XKR4: variants seen among roughly 807,000 people sequenced by gnomAD.
The protein encoded by XKR4 is XK-related protein 4.
XKR4 carries 12 observed loss-of-function variants against 53.9 expected under a neutral mutation model. The ratio of observed to expected loss-of-function variants is 0.22; its 90% confidence interval spans 0.14 to 0.36. The LOEUF is 0.36. Among genes scored for constraint, XKR4 ranks in the 10% least tolerant of loss-of-function variants. XKR4 has a pLI of 1.00. For missense variants in XKR4, 799 were observed against 859.5 expected (o/e 0.93, Z 0.88); for synonymous variants, 354 against 362.4 (o/e 0.98, Z 0.26).
chr8:55,185,806 T>C (rs889468445), intron 1 of XKR4, among the ~76,000 whole-genome samples: 1 of 152,168 alleles, frequency 6.6e-6, no homozygotes, highest in African/African-American at 2.4e-5. Context: ...TAAGAGAGTT[T>C]GATTCCACCT....
intron 1 of XKR4, among the ~76,000 whole-genome samples, chr8:55,191,565 T>C (rs910026590): frequency 1.3e-5 from 2 of 152,176 alleles, no homozygotes; most frequent in Non-Finnish European, 2.9e-5. Flanking sequence ...TTAATGTCTA[T>C]GTAAATAGTC....
At chr8:55,409,332 G>A (rs1345956758) in intron 2 of XKR4, among the ~76,000 whole-genome samples, 1 of 152,226 alleles carries the variant, frequency 6.6e-6, no homozygotes, top group Non-Finnish European at 1.5e-5. Flanking sequence ...TGTGGGTGGT[G>A]AGAAGAAACT....
At chr8:55,221,676 T>C (rs1417394833) in intron 1 of XKR4, among the ~76,000 whole-genome samples, 1 of 152,078 alleles carries the variant, frequency 6.6e-6, no homozygotes, top group African/African-American at 2.4e-5. Context: ...TTCAGCAACC[T>C]CCCCAGTGCA....
chr8:55,375,860 C>G (rs1042473527), intron 2 of XKR4, among the ~76,000 whole-genome samples: 2 of 152,040 alleles, frequency 1.3e-5, no homozygotes, highest in East Asian at 1.9e-4. Flanking sequence ...TGCGTTAGCT[C>G]TTTTCCCTGA....
intron 1 of XKR4, among the ~76,000 whole-genome samples, chr8:55,168,917 A>AAT (rs757849345): frequency 1.1e-4 from 17 of 152,216 alleles, no homozygotes; most frequent in Non-Finnish European, 1.9e-4. Context: ...AGTCATGTGG[A>AAT]ATAGTCCTAG....
chr8:55,260,450 G>A (rs1279780992), intron 1 of XKR4, among the ~76,000 whole-genome samples: 1 of 152,218 alleles, frequency 6.6e-6, no homozygotes, highest in Non-Finnish European at 1.5e-5. Context: ...AAGCAGTATT[G>A]TTGTCTGGTG....
At chr8:55,381,960 C>A (rs1157824885) in intron 2 of XKR4, among the ~76,000 whole-genome samples, 1 of 152,210 alleles carries the variant, frequency 6.6e-6, no homozygotes, top group Non-Finnish European at 1.5e-5. Flanking sequence ...GAGGCCACAT[C>A]AGGATCAGAA....
chr8:55,509,536 C>CT (rs1005204382), intron 2 of XKR4, among the ~76,000 whole-genome samples: 1 of 152,140 alleles, frequency 6.6e-6, no homozygotes, highest in African/African-American at 2.4e-5. Flanking sequence ...TTTGGCAGGT[C>CT]TGCTAAAAGG....
In XKR4 at chr8:55,529,175, A is replaced by T. The variant is rs1806916111; in HGVS notation, c.*4948A>T. On this transcript the variant is annotated 3_prime_UTR_variant, in exon 3 of 3. Coordinates refer to ENST00000327381, the MANE Select transcript of XKR4 (RefSeq NM_052898.2). ...TGCTAATTGAAGCAATTAGTCTAACATGCAAGCAGCCTGCTCTCACAGCAG... is the reference window on the plus strand; with the variant it reads ...TGCTAATTGAAGCAATTAGTCTAACTTGCAAGCAGCCTGCTCTCACAGCAG... 6.6e-6 allele frequency: 1 copy of T among 151,912 alleles called. No homozygotes were observed. The highest frequency in any genetic ancestry group is 2.1e-4 in the South Asian group (1 of 4,810). 9.4% of individuals were successfully genotyped at this position (151,912 alleles called of 1,614,324 possible). A position where few individuals can be genotyped will look rare whatever the true frequency, so the allele number is the denominator to read the frequency against.
At chr8:55,232,284 G>C (rs1353777504) in intron 1 of XKR4, among the ~76,000 whole-genome samples, 2 of 152,202 alleles carry the variant, frequency 1.3e-5, no homozygotes, top group Non-Finnish European at 2.9e-5. Context: ...GTGCCAGGAA[G>C]AGGCCATTAG....
At chr8:55,249,371 G>A (rs777950729) in intron 1 of XKR4, among the ~76,000 whole-genome samples, 3 of 152,198 alleles carry the variant, frequency 2.0e-5, no homozygotes, top group Admixed American at 6.5e-5. Context: ...TTCTGTAGAC[G>A]CTTTATCTAC....
chr8:55,475,114 A>G lies in XKR4; in HGVS notation c.1007-48167A>G, dbSNP rs537988679. 2.0e-5 allele frequency among the ~76,000 whole-genome samples: 3 copies of G among 152,266 alleles called. No homozygotes were observed. The East Asian group carries it at 5.8e-4, about 29-fold the overall frequency. On this transcript the variant is annotated intron_variant, in intron 2 of 2. Transcript: ENST00000327381. ...AATAGTCAGTGATACTAAATAGTAC[A>G]CGGATACCAAGGCAGTAGGTAAGGG...
intron 1 of XKR4, among the ~76,000 whole-genome samples, chr8:55,262,479 T>C (rs1818539659): frequency 6.6e-6 from 1 of 152,198 alleles, no homozygotes; most frequent in Non-Finnish European, 1.5e-5. Flanking sequence ...GAGGTTTAGT[T>C]AAGGGCAGGA....
At chr8:55,170,423 G>A (rs1817142197) in intron 1 of XKR4, among the ~76,000 whole-genome samples, 1 of 152,110 alleles carries the variant, frequency 6.6e-6, no homozygotes, top group Non-Finnish European at 1.5e-5. Context: ...GAGGTATGGG[G>A]ACATGAGCCA....
chr8:55,453,382 G>T (rs1024826464), intron 2 of XKR4: 1 of 438,654 alleles, frequency 2.3e-6, no homozygotes, highest in Non-Finnish European at 4.7e-6. Flanking sequence ...CCCGGGTGAG[G>T]CAGTGGCAGG....
At chr8:55,129,385 C>T (rs1175237865) in intron 1 of XKR4, among the ~76,000 whole-genome samples, 1 of 152,240 alleles carries the variant, frequency 6.6e-6, no homozygotes, top group East Asian at 1.9e-4. Context: ...CTGCCTTGCA[C>T]TCTGAGCTGA....
At chr8:55,272,772 C>A in intron 1 of XKR4, 1 of 373,408 alleles carries the variant, frequency 2.7e-6, no homozygotes, top group Admixed American at 3.6e-5. Context: ...CTCTGTTTAG[C>A]TACCATTGTG....
At position 55,256,199 on chromosome 8, in the gene XKR4, A is replaced by G. The variant is rs990317942; in HGVS notation, c.807-101479A>G. ...AGAGTCTTATGTTGCTAGAAGGTAA[A>G]GTGTGAGGCTGAGAATGAAGGAAGT... On this transcript the variant is annotated intron_variant, in intron 1 of 2. Coordinates refer to ENST00000327381, the MANE Select transcript of XKR4 (RefSeq NM_052898.2). Among the ~76,000 whole-genome samples, 8 of 152,232 alleles carry G rather than the reference A, an allele frequency of 5.3e-5. No homozygotes were observed. In the East Asian group the frequency reaches 1.5e-3, roughly 29 times the overall value.
intron 2 of XKR4, among the ~76,000 whole-genome samples, chr8:55,385,207 C>T (rs1290391423): frequency 2.0e-5 from 3 of 152,126 alleles, no homozygotes; most frequent in African/African-American, 7.2e-5. Context: ...TCAGGCCCTG[C>T]CTACTCTCCG....
Sources: allele counts gnomAD v4.1 joint callset (sites outside exome capture counted in the v4.1 genomes callset), GRCh38; gene constraint gnomAD v4.1.1; transcripts MANE v1.5; gene names NCBI Gene and HGNC (gene_info 2026-07-23, HGNC 2026-07-21).